Variants in LEF1 observed in about 807,000 individuals in gnomAD.
The protein encoded by LEF1 is lymphoid enhancer binding factor 1, also known as lymphoid enhancer-binding factor 1.
In LEF1, 14 loss-of-function variants were observed where a neutral mutation model predicts 51.2. That is an observed-to-expected ratio of 0.27 (90% CI 0.18 to 0.43). The LOEUF is 0.43. Among genes scored for constraint, LEF1 ranks in the 20% least tolerant of loss-of-function variants. The pLI is 1.00. For missense variants in LEF1, 386 were observed against 512.0 expected, an observed-to-expected ratio of 0.75 and a Z score of 2.37; for synonymous variants, 185 against 183.2, an observed-to-expected ratio of 1.01 and a Z score of -0.08.
intron 3 of LEF1, among the ~76,000 whole-genome samples, chr4:108,099,300 G>C (rs2110289104): frequency 6.6e-6 from 1 of 151,804 alleles, no homozygotes; most frequent in East Asian, 1.9e-4. Context: ...AAATTTGTAG[G>C]TGGGACTGCC....
At chr4:108,166,634 C>A in intron 1 of LEF1, 2 of 1,047,962 alleles carry the variant, frequency 1.9e-6, no homozygotes, top group Non-Finnish European at 2.3e-6. Flanking sequence ...ACCCACGTGT[C>A]TCTATTTACT....
intron 3 of LEF1, among the ~76,000 whole-genome samples, chr4:108,095,197 G>C (rs1421129946): frequency 6.6e-6 from 1 of 152,160 alleles, no homozygotes; most frequent in African/African-American, 2.4e-5. Context: ...GGATGGTCTA[G>C]AGACCTGCAC....
intron 3 of LEF1, among the ~76,000 whole-genome samples, chr4:108,093,646 G>A (rs188851988): frequency 1.2e-4 from 18 of 152,244 alleles, no homozygotes; most frequent in African/African-American, 4.1e-4. Flanking sequence ...TCACAAGGCA[G>A]TAAGAGTTAG....
At chr4:108,052,601 A>C (rs928910132) in intron 11 of LEF1, among the ~76,000 whole-genome samples, 3 of 152,206 alleles carry the variant, frequency 2.0e-5, no homozygotes, top group African/African-American at 7.2e-5. Flanking sequence ...GTATGAAGGA[A>C]GAGAGGTACA....
At chr4:108,106,296 C>T (rs953912040) in intron 3 of LEF1, among the ~76,000 whole-genome samples, 1 of 152,102 alleles carries the variant, frequency 6.6e-6, no homozygotes, top group African/African-American at 2.4e-5. Context: ...ATGCAAACAC[C>T]TATAATGTGT....
chr4:108,092,087 C>T (rs1224847751), intron 3 of LEF1, among the ~76,000 whole-genome samples: 1 of 152,186 alleles, frequency 6.6e-6, no homozygotes, highest in East Asian at 1.9e-4. Flanking sequence ...TCCCTCCAGT[C>T]ATATAGCTCA....
chr4:108,110,804 A>C (rs905302369), intron 3 of LEF1, among the ~76,000 whole-genome samples: 1 of 152,204 alleles, frequency 6.6e-6, no homozygotes, highest in Admixed American at 6.5e-5. Context: ...AAATATGCAG[A>C]ATTCACAGCC....
At chr4:108,050,156 G>T (rs1736887067) in intron 11 of LEF1, among the ~76,000 whole-genome samples, 1 of 152,232 alleles carries the variant, frequency 6.6e-6, no homozygotes, top group African/African-American at 2.4e-5. Flanking sequence ...GCCACAGAAT[G>T]ATTTCAACTG....
chr4:108,130,633 G>A (rs1236005202), intron 3 of LEF1, among the ~76,000 whole-genome samples: 2 of 151,786 alleles, frequency 1.3e-5, no homozygotes, highest in Non-Finnish European at 2.9e-5. Flanking sequence ...GGGAGGCTGA[G>A]GTGGGAGAAT....
chr4:108,148,381 GGGCCA>G (rs1456752591), intron 3 of LEF1, among the ~76,000 whole-genome samples: 1 of 152,160 alleles, frequency 6.6e-6, no homozygotes, highest in East Asian at 1.9e-4. Context: ...TGCTTCAAAT[GGGCCA>G]CATGGAACTG....
chr4:108,106,549 T>C (rs966634864), intron 3 of LEF1, among the ~76,000 whole-genome samples: 2 of 152,116 alleles, frequency 1.3e-5, no homozygotes, highest in Non-Finnish European at 2.9e-5. Flanking sequence ...GACAATATGG[T>C]GCACTGATGT....
At chr4:108,066,843 A>T (rs564359259) in intron 9 of LEF1, among the ~76,000 whole-genome samples, 5 of 152,330 alleles carry the variant, frequency 3.3e-5, no homozygotes, top group Admixed American at 3.3e-4. Flanking sequence ...TATTTGGCTA[A>T]TCTCACCCAA....
intron 11 of LEF1, among the ~76,000 whole-genome samples, chr4:108,062,987 G>T (rs1737799317): frequency 2.0e-5 from 3 of 152,070 alleles, no homozygotes; most frequent in Admixed American, 2.0e-4. Flanking sequence ...AAAAATTATA[G>T]TAAAAAGAAA....
Position 108,058,461 on chromosome 4 carries a change from T to C in LEF1, c.*6+5162A>G, listed in dbSNP as rs533191089. ...CAGGAAGAAAGCAAAGTTCAGTATTTGATAATAATCTCTAACTTCTGACAA... is the reference window on the plus strand; with the variant it reads ...CAGGAAGAAAGCAAAGTTCAGTATTCGATAATAATCTCTAACTTCTGACAA... On this transcript the variant is annotated intron_variant, in intron 11 of 11. Transcript: ENST00000265165. Among the ~76,000 whole-genome samples, 3 of 152,294 alleles carry C rather than the reference T, an allele frequency of 2.0e-5. No homozygotes were observed. The East Asian group carries it at 5.8e-4, about 29-fold the overall frequency.
In LEF1 at chr4:108,074,421, C is replaced by T. The variant is rs539607037; in HGVS notation, c.1009-3651G>A. ...GCCAGGAAGGTCTGAAGAGAAAAGG[C>T]TTATTTTAAAATAAAATTTGTGATA... On this transcript the variant is annotated intron_variant, in intron 8 of 11. Transcript: ENST00000265165. Among the ~76,000 whole-genome samples the T allele has an allele frequency of 3.9e-5, 6 of 152,006 alleles. No homozygotes were observed. The South Asian group carries it at 1.2e-3, about 32-fold the overall frequency.
chr4:108,154,800 G>A (rs968669330), intron 3 of LEF1, among the ~76,000 whole-genome samples: 1 of 152,066 alleles, frequency 6.6e-6, no homozygotes, highest in Non-Finnish European at 1.5e-5. Context: ...ACCATTTATA[G>A]TGTTCAAAAT....
chr4:108,114,794 T>C (rs1430888312), intron 3 of LEF1, among the ~76,000 whole-genome samples: 1 of 152,314 alleles, frequency 6.6e-6, no homozygotes, highest in East Asian at 1.9e-4. Context: ...TTGAAGTGTA[T>C]GTGCAATGTC....
At chr4:108,099,532 ATATGTGTATATGTGTG>A (rs1288242091) in intron 3 of LEF1, among the ~76,000 whole-genome samples, 2 of 88,674 alleles carry the variant, frequency 2.3e-5, no homozygotes, top group Admixed American at 1.2e-4. Flanking sequence ...ATATATATAT[ATATGTGTATATGTGTG>A]TGTGTGTATG....
At chr4:108,164,395 T>C (rs1380448170) in intron 2 of LEF1, among the ~76,000 whole-genome samples, 5 of 152,204 alleles carry the variant, frequency 3.3e-5, no homozygotes, top group Non-Finnish European at 7.4e-5. Flanking sequence ...ACATATTGTA[T>C]GTAAAAACAC....
Sources: gnomAD v4.1 joint callset for allele counts (sites outside exome capture counted in the v4.1 genomes callset) on GRCh38, gnomAD v4.1.1 for gene constraint, MANE v1.5 for transcripts, NCBI Gene and HGNC (gene_info 2026-07-23, HGNC 2026-07-21) for gene names.